The following KCNH8 variants were observed in gnomAD, a reference collection of about 807,000 sequenced individuals.
KCNH8 encodes the protein potassium voltage-gated channel subfamily H member 8.
KCNH8 carries 70 observed loss-of-function variants against 103.6 expected under a neutral mutation model. The ratio of observed to expected loss-of-function variants is 0.68; its 90% CI spans 0.56 to 0.82. KCNH8 has a LOEUF of 0.82. KCNH8 is among the 40% of genes least tolerant of loss of function. The pLI is 0.00. For synonymous variants in KCNH8, 498 were observed against 489.4 expected, an observed-to-expected ratio of 1.02 and a Z score of -0.23; for missense variants, 1,217 against 1,329.9, an observed-to-expected ratio of 0.92 and a Z score of 1.32.
At chr3:19,200,922 G>A (rs991745029) in intron 1 of KCNH8, among the ~76,000 whole-genome samples, 12 of 151,782 alleles carry the variant, frequency 7.9e-5, no homozygotes, top group African/African-American at 2.4e-4. Flanking sequence ...TATATAAGCC[G>A]TTATTCTCTT....
intron 5 of KCNH8, among the ~76,000 whole-genome samples, chr3:19,353,750 A>C (rs931638250): frequency 6.6e-5 from 10 of 152,178 alleles, no homozygotes; most frequent in African/African-American, 1.9e-4. Context: ...AATAAGCGCT[A>C]TTTATGACAG....
At chr3:19,390,438 C>G in intron 5 of KCNH8, 43 bp from the exon 6 acceptor site, 5 of 1,460,666 alleles carry the variant, frequency 3.4e-6, no homozygotes, top group Non-Finnish European at 4.7e-6. Flanking sequence ...TTATTCTTCT[C>G]TGTCTCTTCC....
chr3:19,486,928 G>C (rs1237874217), intron 11 of KCNH8, among the ~76,000 whole-genome samples: 1 of 152,164 alleles, frequency 6.6e-6, no homozygotes, highest in Non-Finnish European at 1.5e-5. Flanking sequence ...CCTGCTGTCT[G>C]CAGATCTGAG....
At chr3:19,452,172 C>T (rs530669013) in intron 10 of KCNH8, among the ~76,000 whole-genome samples, 1 of 151,992 alleles carries the variant, frequency 6.6e-6, no homozygotes, top group Non-Finnish European at 1.5e-5. Flanking sequence ...TTGCTTGAGC[C>T]CATGAGTTCA....
intron 1 of KCNH8, among the ~76,000 whole-genome samples, chr3:19,177,311 A>G (rs182118935): frequency 2.6e-5 from 4 of 152,194 alleles, no homozygotes; most frequent in Non-Finnish European, 5.9e-5. Flanking sequence ...ATAATTGTAA[A>G]AGATTCATGA....
chr3:19,432,389 T>C (rs1303285657), intron 7 of KCNH8, among the ~76,000 whole-genome samples: 2 of 152,174 alleles, frequency 1.3e-5, no homozygotes, highest in Non-Finnish European at 2.9e-5. Flanking sequence ...TCACTTCATT[T>C]TTCCTCTCTA....
intron 7 of KCNH8, among the ~76,000 whole-genome samples, chr3:19,437,746 C>T (rs1177043286): frequency 6.6e-6 from 1 of 152,196 alleles, no homozygotes; most frequent in African/African-American, 2.4e-5. Context: ...AGACTTATGG[C>T]TGTTGTAACT....
At chr3:19,403,602 T>C (rs371238497) in intron 7 of KCNH8, among the ~76,000 whole-genome samples, 7 of 151,558 alleles carry the variant, frequency 4.6e-5, no homozygotes, top group African/African-American at 1.7e-4. Flanking sequence ...AAATACTGAC[T>C]AAGTCTGAGT....
chr3:19,304,501 A>G (rs1480213541), intron 3 of KCNH8, among the ~76,000 whole-genome samples: 1 of 152,144 alleles, frequency 6.6e-6, no homozygotes, highest in Non-Finnish European at 1.5e-5. Context: ...CATGAAATAA[A>G]TATAGGATAT....
intron 15 of KCNH8, among the ~76,000 whole-genome samples, chr3:19,523,491 C>T (rs981274691): frequency 1.2e-4 from 19 of 152,018 alleles, no homozygotes; most frequent in African/African-American, 4.3e-4. Flanking sequence ...AGGTAACAAA[C>T]TCCAAATTGA....
intron 1 of KCNH8, among the ~76,000 whole-genome samples, chr3:19,178,663 T>C (rs751079584): frequency 4.6e-5 from 7 of 152,130 alleles, no homozygotes; most frequent in African/African-American, 1.2e-4. Context: ...CCAGCAGGTT[T>C]TACTGGAGCA....
At chr3:19,533,054 A>G (rs1372844700) in intron 15 of KCNH8, among the ~76,000 whole-genome samples, 1 of 152,026 alleles carries the variant, frequency 6.6e-6, no homozygotes, top group Non-Finnish European at 1.5e-5. Context: ...AATACAAAAA[A>G]TTAGCTGCAC....
At chr3:19,173,183 A>G (rs1338822556) in intron 1 of KCNH8, among the ~76,000 whole-genome samples, 2 of 151,882 alleles carry the variant, frequency 1.3e-5, no homozygotes, top group African/African-American at 2.4e-5. Flanking sequence ...TAAAAAAAAA[A>G]CAAATGCCAT....
chr3:19,506,360 G>A (rs1310693302), intron 11 of KCNH8, among the ~76,000 whole-genome samples: 2 of 152,200 alleles, frequency 1.3e-5, no homozygotes, highest in East Asian at 3.8e-4. Context: ...GAGGGCCAAG[G>A]CTTTGTGCAG....
At chr3:19,442,455 A>G (rs940436183) in intron 8 of KCNH8, among the ~76,000 whole-genome samples, 2 of 152,226 alleles carry the variant, frequency 1.3e-5, no homozygotes, top group African/African-American at 4.8e-5. Context: ...GTAGTACTGA[A>G]TCAAAAATTG....
intron 10 of KCNH8, among the ~76,000 whole-genome samples, chr3:19,452,311 A>T (rs1282713196): frequency 6.6e-6 from 1 of 152,094 alleles, no homozygotes; most frequent in Non-Finnish European, 1.5e-5. Flanking sequence ...CTTGAGTCCC[A>T]GAGGTGGAGG....
intron 5 of KCNH8, among the ~76,000 whole-genome samples, chr3:19,374,829 G>C (rs1308924027): frequency 2.6e-5 from 4 of 152,084 alleles, no homozygotes; most frequent in Admixed American, 1.3e-4. Context: ...GCATTTGCTT[G>C]TCTGTAAAGT....
chr3:19,471,190 C>T (rs1281562866), intron 11 of KCNH8, among the ~76,000 whole-genome samples: 1 of 152,186 alleles, frequency 6.6e-6, no homozygotes, highest in Admixed American at 6.6e-5. Context: ...TGGTTGCTTC[C>T]ATCCTGAAGA....
intron 11 of KCNH8, among the ~76,000 whole-genome samples, chr3:19,492,168 C>T (rs535158641): frequency 6.6e-6 from 1 of 152,138 alleles, no homozygotes; most frequent in South Asian, 2.1e-4. Flanking sequence ...TGCAGAAGCT[C>T]TTTAGTTTAA....
Sources: gnomAD v4.1 joint callset for allele counts (sites outside exome capture counted in the v4.1 genomes callset) on GRCh38, gnomAD v4.1.1 for gene constraint, MANE v1.5 for transcripts, NCBI Gene and HGNC (gene_info 2026-07-23, HGNC 2026-07-21) for gene names.